Variants in QSOX2 observed in about 807,000 individuals in gnomAD.
QSOX2 encodes sulfhydryl oxidase 2.
QSOX2 carries 46 observed loss-of-function variants against 61.7 expected under a neutral mutation model. The ratio of observed to expected loss-of-function variants is 0.75; its 90% confidence interval spans 0.59 to 0.95. The LOEUF (loss-of-function observed/expected upper bound fraction) is 0.95, where lower values mean the gene tolerates loss of function less well. Ranked by LOEUF, QSOX2 falls within the 40% of genes least tolerant of loss-of-function variation. The pLI is 0.00. For synonymous variants in QSOX2, 383 were observed against 388.4 expected (o/e 0.99, Z 0.16); for missense variants, 879 against 918.9 (o/e 0.96, Z 0.56).
chr9:136,244,081 C>A (rs1830452257), intron 1 of QSOX2, among the ~76,000 whole-genome samples: 1 of 152,060 alleles, frequency 6.6e-6, no homozygotes, highest in Admixed American at 6.6e-5. Flanking sequence ...AAAACCAAAA[C>A]CCACAAAAAA....
intron 10 of QSOX2, among the ~76,000 whole-genome samples, chr9:136,212,061 C>T (rs1193261199): frequency 6.6e-6 from 1 of 152,224 alleles, no homozygotes; most frequent in Non-Finnish European, 1.5e-5. Flanking sequence ...GACGGGTGCA[C>T]CCACAGCCAG....
chr9:136,238,705 GTTTT>G (rs1564298472), intron 1 of QSOX2, among the ~76,000 whole-genome samples: 79 of 152,368 alleles, frequency 5.2e-4, no homozygotes, highest in African/African-American at 1.9e-3. Context: ...CAGCCAGAGA[GTTTT>G]ACCTAGAAAC....
chr9:136,239,056 C>G (rs985808876), intron 1 of QSOX2, among the ~76,000 whole-genome samples: 2 of 152,272 alleles, frequency 1.3e-5, no homozygotes, highest in African/African-American at 4.8e-5. Flanking sequence ...ATGCCCCTGG[C>G]AGGGCCTTCA....
At chr9:136,236,180 C>A (rs986484767) in intron 1 of QSOX2, among the ~76,000 whole-genome samples, 1 of 152,232 alleles carries the variant, frequency 6.6e-6, no homozygotes, top group Non-Finnish European at 1.5e-5. Flanking sequence ...GACCCTCCAC[C>A]TCCTCCCCAC....
intron 6 of QSOX2, among the ~76,000 whole-genome samples, chr9:136,219,962 A>G (rs1321102865): frequency 6.6e-6 from 1 of 152,256 alleles, no homozygotes; most frequent in Non-Finnish European, 1.5e-5. Flanking sequence ...CCAAGCACTC[A>G]GAGCATCTCC....
In QSOX2 at chr9:136,245,554, C is replaced by A. The variant is rs1251918445; in HGVS notation, c.250G>T (p.Val84Leu). ...CCACACCACGACGAGTAGAACTGCA[C>A]GAGCCACGCGGCCGAGCTGTTGGCG... ...ATANSSAAWL[V>L]QFYSSWCGHC... Residue 84 changes from valine to leucine, a missense_variant, in exon 1 of 12, where the codon GTG becomes TTG. Transcript: ENST00000358701. The A allele has an allele frequency of 1.3e-6, 2 of 1,582,352 alleles. No individual in the cohort carries two copies. Among genetic ancestry groups the A allele is most frequent in the African/African-American group, 2.8e-5 (2 of 72,026 alleles).
intron 1 of QSOX2, among the ~76,000 whole-genome samples, chr9:136,242,881 T>C (rs1464267424): frequency 2.6e-5 from 4 of 152,264 alleles, no homozygotes; most frequent in African/African-American, 9.6e-5. Flanking sequence ...CTCTCAGGAC[T>C]GTAAACCAAA....
chr9:136,243,734 G>T (rs548339676), intron 1 of QSOX2, among the ~76,000 whole-genome samples: 1 of 152,194 alleles, frequency 6.6e-6, no homozygotes, highest in Non-Finnish European at 1.5e-5. Context: ...AGGACCCTCT[G>T]CCTGGGCTCC....
intron 1 of QSOX2, among the ~76,000 whole-genome samples, chr9:136,235,532 G>A (rs1270839601): frequency 6.6e-6 from 1 of 152,262 alleles, no homozygotes; most frequent in East Asian, 1.9e-4. Flanking sequence ...ACAAGAGGCT[G>A]CAGATCTTGG....
rs540108935 is a variant in QSOX2 at position 136,220,629 on chromosome 9, C to T, written c.821+1167G>A. 7.3e-5 allele frequency among the ~76,000 whole-genome samples: 8 copies of T among 108,974 alleles called. No homozygotes were observed. In the East Asian group the frequency reaches 1.2e-3, roughly 16 times the overall value. The allele number at this position is 108,974 out of a possible 152,430, so 71.5% of individuals were successfully genotyped here. A position where few individuals can be genotyped will look rare whatever the true frequency, so the allele number is the denominator to read the frequency against. On this transcript the variant is annotated intron_variant, in intron 6 of 11. Coordinates refer to ENST00000358701, the MANE Select transcript of QSOX2 (RefSeq NM_181701.4). Reference sequence around the variant, plus strand: ...TAGCCTCACGCTGTCCTTCTCCTCACGCTGTCCTTCTCCCCAAGGTGAGGA... The same window carrying T: ...TAGCCTCACGCTGTCCTTCTCCTCATGCTGTCCTTCTCCCCAAGGTGAGGA...
Position 136,222,071 on chromosome 9 carries a change from AC to A in QSOX2, c.676-131del. 1.1e-6 allele frequency: 1 copy of A among 898,050 alleles called. No individual in the cohort carries two copies. The highest frequency in any genetic ancestry group is 1.6e-6 in the Non-Finnish European group (1 of 638,844). 55.6% of individuals were successfully genotyped at this position (898,050 alleles called of 1,614,324 possible). On this transcript the variant is annotated intron_variant, in intron 5 of 11. Coordinates refer to ENST00000358701, the MANE Select transcript of QSOX2 (RefSeq NM_181701.4). This position sits in a 1 kb window ranked among gnomAD's most constrained non-coding sequence, Gnocchi z 6.9. Reference sequence around the variant, plus strand: ...TGAAGTCTGTCCCCCTGCAGGCAAGACCCTCACTCAAATCTTCACTCTCATT... The same window carrying A: ...TGAAGTCTGTCCCCCTGCAGGCAAGACCTCACTCAAATCTTCACTCTCATT...
chr9:136,242,025 T>A (rs2131071805), intron 1 of QSOX2, among the ~76,000 whole-genome samples: 1 of 152,268 alleles, frequency 6.6e-6, no homozygotes. Context: ...TCATCTTCCA[T>A]CACAAACCCA....
intron 3 of QSOX2, 30 bp downstream of exon 3, chr9:136,224,831 G>A (rs200514016): frequency 4.8e-4 from 727 of 1,505,370 alleles, no homozygotes; most frequent in Middle Eastern, 3.3e-3. Context: ...GGGAATCTCA[G>A]GGACTAAAAT....
chr9:136,239,176 T>C (rs1830415035), intron 1 of QSOX2, among the ~76,000 whole-genome samples: 1 of 152,238 alleles, frequency 6.6e-6, no homozygotes, highest in African/African-American at 2.4e-5. Flanking sequence ...AGTTACAACC[T>C]ATAGGTAACT....
chr9:136,235,739 G>A (rs775200091), intron 1 of QSOX2, among the ~76,000 whole-genome samples: 6 of 152,184 alleles, frequency 3.9e-5, no homozygotes, highest in African/African-American at 1.2e-4. Context: ...ACACCCAGGC[G>A]ACCCGTGGAG....
chr9:136,231,010 G>A (rs1199697558), intron 1 of QSOX2, among the ~76,000 whole-genome samples: 6 of 152,244 alleles, frequency 3.9e-5, no homozygotes, highest in Non-Finnish European at 8.8e-5. Flanking sequence ...CCCAGGCCTA[G>A]TTTCATTGGC....
chr9:136,226,786 G>A lies in QSOX2; in HGVS notation c.417C>T (p.Tyr139=), dbSNP rs761614266. The A allele has an allele frequency of 1.9e-6, 3 of 1,613,962 alleles. No individual in the cohort carries two copies. Among genetic ancestry groups the A allele is most frequent in the Admixed American group, 1.7e-5 (1 of 60,036 alleles). ...AVCHDYDIHF[Y]PTFRYFKAFT... ...GCGTGATACTCACCCGGAAGGTGGGGTAGAAGTGGATGTCGTAGTCATGGC... is the reference window on the plus strand; with the variant it reads ...GCGTGATACTCACCCGGAAGGTGGGATAGAAGTGGATGTCGTAGTCATGGC... Residue 139 remains tyrosine, a synonymous_variant, in exon 2 of 12, where the codon TAC becomes TAT. Transcript: ENST00000358701.
intron 7 of QSOX2, 29 bp downstream of exon 7, chr9:136,219,001 G>A (rs573806099): frequency 1.3e-4 from 217 of 1,612,462 alleles, no homozygotes; most frequent in Non-Finnish European, 1.5e-4. Context: ...CACTGTCTCC[G>A]GGGGCTTCAG....
Position 136,209,005 on chromosome 9 carries a change from T to A in QSOX2, c.1820A>T (p.Gln607Leu), listed in dbSNP as rs998662880. The change falls in exon 12 of 12, where the codon CAG becomes CTG. Residue 607 changes from glutamine (Q) to leucine (L), a missense_variant. Transcript: ENST00000358701. The surrounding 1 kb of genome is among the most constrained non-coding windows in gnomAD (Gnocchi z 5.6). ...PEVSHGDRDT[Q>L]SVRPPGALGP... ...CAGTGCACCAGGTGGACGGACGCTC[T>A]GGGTGTCTCGGTCTCCATGGGACAC... 2.4e-5 allele frequency: 39 copies of A among 1,613,842 alleles called. No individual in the cohort carries two copies. Among genetic ancestry groups the A allele is most frequent in the Non-Finnish European group, 2.9e-5 (34 of 1,179,894 alleles).
Sources: gnomAD v4.1 joint callset for allele counts (sites outside exome capture counted in the v4.1 genomes callset) on GRCh38, gnomAD v4.1.1 for gene constraint, Gnocchi (gnomAD v3.1) non-coding constraint, MANE v1.5 for transcripts, NCBI Gene and HGNC (gene_info 2026-07-23, HGNC 2026-07-21) for gene names.